The following STIL variants were observed in gnomAD, a reference collection of about 807,000 sequenced individuals.
STIL encodes SCL-interrupting locus protein.
A neutral mutation model predicts 110.1 loss-of-function variants in STIL; 55 were observed. That is an observed-to-expected ratio of 0.50 (90% CI 0.40 to 0.63). STIL has a LOEUF of 0.63. Among genes scored for constraint, STIL ranks in the 20% least tolerant of loss-of-function variants. The probability of loss-of-function intolerance (pLI) is 0.00; values close to 1 mark genes in which losing one functional copy is unlikely to be tolerated. For missense variants in STIL, 1,358 were observed against 1,530.0 expected, an observed-to-expected ratio of 0.89 and a Z score of 1.87; for synonymous variants, 481 against 530.0, an observed-to-expected ratio of 0.91 and a Z score of 1.27.
intron 16 of STIL, among the ~76,000 whole-genome samples, chr1:47,256,783 T>C (rs1570008116): frequency 6.6e-6 from 1 of 151,822 alleles, no homozygotes; most frequent in African/African-American, 2.4e-5. Flanking sequence ...TCATCTGAGG[T>C]TGGGAGTTCG....
intron 12 of STIL, among the ~76,000 whole-genome samples, chr1:47,272,922 C>A (rs1217957965): frequency 6.6e-6 from 1 of 152,110 alleles, no homozygotes; most frequent in African/African-American, 2.4e-5. Flanking sequence ...AAAGGTAAAT[C>A]AGAATTGCCC....
chr1:47,292,500 G>A (rs1442400652), intron 8 of STIL, among the ~76,000 whole-genome samples: 6 of 152,092 alleles, frequency 3.9e-5, no homozygotes, highest in Non-Finnish European at 8.8e-5. Context: ...AAAAGGGCCA[G>A]TTTTTAAAAT....
chr1:47,287,541 G>T lies in STIL; in HGVS notation c.1133+10C>A. On this transcript the variant is annotated intron_variant, in intron 10 of 16. Transcript: ENST00000371877. ...AAAAACACACACATAATAACAAAAA[G>T]ATCTTTTACCTCTTAATTGAAAAAT... 1 of 1,576,650 alleles carries T rather than the reference G, an allele frequency of 6.3e-7. No homozygotes were observed. Among genetic ancestry groups the T allele is most frequent in the South Asian group, 1.1e-5 (1 of 87,132 alleles).
chr1:47,292,342 G>A (rs1570226364), intron 8 of STIL, among the ~76,000 whole-genome samples: 2 of 152,124 alleles, frequency 1.3e-5, no homozygotes, highest in Non-Finnish European at 1.5e-5. Flanking sequence ...TCTTTTTGAA[G>A]GGCAATTTGG....
chr1:47,282,163 A>G, intron 11 of STIL, among the ~76,000 whole-genome samples, 182 bp downstream of exon 11: 1 of 152,186 alleles, frequency 6.6e-6, no homozygotes, highest in East Asian at 1.9e-4. Context: ...TATAATATGA[A>G]TTATTATATA....
rs563631153 is a variant in STIL, at chr1:47,263,531, G to T, written c.2616-415C>A. ...GCACTCAGCCTAGGCATCAGAGCAA[G>T]ACCCTATTTCTATAAGAAACAAAAA... On this transcript the variant is annotated intron_variant, in intron 14 of 16. Transcript: ENST00000371877. Among the ~76,000 whole-genome samples, 8 of 152,252 alleles carry T rather than the reference G, an allele frequency of 5.3e-5. No individual in the cohort carries two copies. The South Asian group carries it at 1.7e-3, about 32-fold the overall frequency.
chr1:47,282,794 T>G (rs1645188077), intron 10 of STIL: 1 of 266,644 alleles, frequency 3.8e-6, no homozygotes, highest in Admixed American at 4.9e-5. Flanking sequence ...GTCAAAAAAT[T>G]TATAATCTAG....
chr1:47,273,564 G>C (rs898416248), intron 12 of STIL, among the ~76,000 whole-genome samples: 1 of 152,146 alleles, frequency 6.6e-6, no homozygotes, highest in Non-Finnish European at 1.5e-5. Flanking sequence ...ACATTCCCTT[G>C]TATGGATATA....
intron 10 of STIL, chr1:47,283,645 C>T (rs1645211113): frequency 6.6e-6 from 1 of 152,110 alleles, no homozygotes; most frequent in African/African-American, 2.4e-5. Context: ...CCATTAGTCC[C>T]CTCTACATTA....
At chr1:47,301,419 C>G in intron 5 of STIL, 142 bp downstream of exon 5, 2 of 941,338 alleles carry the variant, frequency 2.1e-6, no homozygotes, top group Non-Finnish European at 3.3e-6. Context: ...CTCACAAACA[C>G]ATTTAGTTGG....
intron 16 of STIL, among the ~76,000 whole-genome samples, chr1:47,254,504 T>C (rs1644274381): frequency 6.6e-6 from 1 of 150,954 alleles, no homozygotes; most frequent in East Asian, 1.9e-4. Context: ...ATGTTAAATA[T>C]TTAAAGAAAG....
At chr1:47,290,512 T>G (rs958353407) in intron 8 of STIL, among the ~76,000 whole-genome samples, 9 of 152,156 alleles carry the variant, frequency 5.9e-5, no homozygotes, top group Admixed American at 2.6e-4. Flanking sequence ...GAGACCATCC[T>G]GGCTACCACA....
At chr1:47,304,405 C>T (rs190445046) in intron 3 of STIL, among the ~76,000 whole-genome samples, 9 of 152,226 alleles carry the variant, frequency 5.9e-5, no homozygotes, top group East Asian at 1.9e-4. Context: ...AGGCTCTCCC[C>T]GCCATAATCT....
Position 47,300,144 on chromosome 1 carries a change from C to T in STIL, c.462G>A (p.Gln154=), listed in dbSNP as rs1645761210. 6.2e-7 allele frequency: 1 copy of T among 1,613,010 alleles called. No individual in the cohort carries two copies. The highest frequency in any genetic ancestry group is 1.7e-5 in the Admixed American group (1 of 59,812). The change falls in exon 6 of 17, where the codon CAG becomes CAA. Residue 154 remains glutamine, a synonymous_variant. Transcript: ENST00000371877. ...DDFSSALKAL[Q]CHICSKDSLD... ...AGGAATCTTTGCTACATATATGGCACTGTAGAGCCTGAGAAATCAATATTA... is the reference window on the plus strand; with the variant it reads ...AGGAATCTTTGCTACATATATGGCATTGTAGAGCCTGAGAAATCAATATTA...
intron 16 of STIL, 109 bp downstream of exon 16, chr1:47,260,180 C>T: frequency 8.6e-7 from 1 of 1,163,804 alleles, no homozygotes; most frequent in Non-Finnish European, 1.2e-6. Context: ...GATGAGATTG[C>T]CACAATACAT....
Position 47,251,857 on chromosome 1 carries a change from A to C in STIL, c.3146T>G (p.Val1049Gly). Residue 1049 changes from valine to glycine, a missense_variant, in exon 17 of 17, where the codon GTT (valine) becomes GGT (glycine). Transcript: ENST00000371877. ...ATTGGGGCTTAAGCCGCTCATGCCAACATTAGCAAATGACATGCAGTTTAA... is the reference window on the plus strand; with the variant it reads ...ATTGGGGCTTAAGCCGCTCATGCCACCATTAGCAAATGACATGCAGTTTAA... Reference protein sequence around the residue: ...SGLNCMSFANVGMSGLSPNGV... With the variant: ...SGLNCMSFANGGMSGLSPNGV... The C allele has an allele frequency of 1.2e-6, 2 of 1,608,334 alleles. No homozygotes were observed. The highest frequency in any genetic ancestry group is 1.7e-6 in the Non-Finnish European group (2 of 1,177,630).
chr1:47,282,535 C>T, intron 10 of STIL, 76 bp from the exon 11 acceptor site: 1 of 875,296 alleles, frequency 1.1e-6, no homozygotes, highest in Non-Finnish European at 1.9e-6. Context: ...TGAATAAAGT[C>T]CTTTAATAAG....
chr1:47,282,168 T>C (rs1645172085), intron 11 of STIL, among the ~76,000 whole-genome samples, 177 bp downstream of exon 11: 1 of 152,054 alleles, frequency 6.6e-6, no homozygotes, highest in Admixed American at 6.6e-5. Context: ...TATGAATTAT[T>C]ATATATAACT....
intron 8 of STIL, 119 bp downstream of exon 8, chr1:47,293,339 C>T (rs931295664): frequency 2.9e-5 from 22 of 760,332 alleles, no homozygotes; most frequent in Admixed American, 7.5e-5. Context: ...TCTTAATGTA[C>T]GTGTTTATTT....
Sources: gnomAD v4.1 joint callset for allele counts (sites outside exome capture counted in the v4.1 genomes callset) on GRCh38, gnomAD v4.1.1 for gene constraint, MANE v1.5 for transcripts, NCBI Gene and HGNC (gene_info 2026-07-23, HGNC 2026-07-21) for gene names.